CRB1: variants seen among roughly 807,000 people sequenced by gnomAD.
CRB1 encodes protein crumbs homolog 1.
In CRB1, 83 loss-of-function variants were observed where a neutral mutation model predicts 120.0. The observed-to-expected ratio is 0.69, with a 90% CI of 0.58 to 0.83. The LOEUF is 0.83. Ranked by LOEUF, CRB1 falls within the 40% of genes least tolerant of loss-of-function variation. The pLI, the probability that CRB1 is intolerant of heterozygous loss-of-function variation, is 0.00. For missense variants in CRB1, 1,699 were observed against 1,687.6 expected (o/e 1.01, Z -0.12); for synonymous variants, 625 against 612.5 (o/e 1.02, Z -0.30).
At chr1:197,284,808 A>AT (rs983684168) in intron 1 of CRB1, among the ~76,000 whole-genome samples, 6 of 147,908 alleles carry the variant, frequency 4.1e-5, no homozygotes, top group African/African-American at 1.6e-4. Flanking sequence ...TGATATTGTA[A>AT]TTTAAAAAAA....
At chr1:197,215,834 C>T in the CRB1 span, among the ~76,000 whole-genome samples, 1 of 152,152 alleles carries the variant, frequency 6.6e-6, no homozygotes, top group Non-Finnish European at 1.5e-5. Context: ...GTTATTGCAT[C>T]TCAGAACTTT....
At chr1:197,399,136 C>G (rs1662931445) in intron 5 of CRB1, among the ~76,000 whole-genome samples, 1 of 152,044 alleles carries the variant, frequency 6.6e-6, no homozygotes, top group South Asian at 2.1e-4. Flanking sequence ...GGAAATCTTC[C>G]TTGATTAGCC....
chr1:197,435,056 A>G lies in CRB1; in HGVS notation c.3193A>G (p.Thr1065Ala), dbSNP rs1553262995. 1.9e-6 allele frequency: 3 copies of G among 1,614,018 alleles called. No individual in the cohort carries two copies. Among genetic ancestry groups the G allele is most frequent in the Non-Finnish European group, 2.5e-6 (3 of 1,179,920 alleles). Residue 1065 changes from threonine to alanine, a missense_variant, in exon 9 of 12, where the codon ACA becomes GCA. Coordinates refer to ENST00000367400, the MANE Select transcript of CRB1 (RefSeq NM_201253.3). ...CAACGAAACACCTTTTGTGACCAGC[A>G]CAATTGCTACTGGAAGCCTCAACTT... ...VDNETPFVTS[T>A]IATGSLNFLK...
At chr1:197,276,841 C>A (rs1655236475) in intron 1 of CRB1, among the ~76,000 whole-genome samples, 1 of 151,790 alleles carries the variant, frequency 6.6e-6, no homozygotes, top group African/African-American at 2.4e-5. Flanking sequence ...CTATTAAGAC[C>A]ATTAGGACAC....
chr1:197,255,584 A>G, the CRB1 span, among the ~76,000 whole-genome samples: 1 of 152,098 alleles, frequency 6.6e-6, no homozygotes, highest in Non-Finnish European at 1.5e-5. Context: ...AGTTGAATGC[A>G]TCTTGATTAC....
At chr1:197,234,587 A>G in the CRB1 span, among the ~76,000 whole-genome samples, 1 of 152,256 alleles carries the variant, frequency 6.6e-6, no homozygotes, top group Non-Finnish European at 1.5e-5. Context: ...ATAGATCCCC[A>G]GAAATAATCC....
chr1:197,294,346 C>G (rs1301435377), intron 1 of CRB1, among the ~76,000 whole-genome samples: 4 of 152,132 alleles, frequency 2.6e-5, no homozygotes, highest in African/African-American at 9.7e-5. Context: ...CAGAGAAATG[C>G]AAATCAAAAC....
intron 5 of CRB1, among the ~76,000 whole-genome samples, chr1:197,409,960 A>G (rs1178994171): frequency 6.6e-6 from 1 of 151,644 alleles, no homozygotes; most frequent in Non-Finnish European, 1.5e-5. Context: ...CTTTTTTTGT[A>G]TTTTTTAGTA....
chr1:197,313,019 A>G (rs1279947112), intron 1 of CRB1, among the ~76,000 whole-genome samples: 4 of 152,190 alleles, frequency 2.6e-5, no homozygotes, highest in Admixed American at 1.3e-4. Flanking sequence ...AAGAGGTTTG[A>G]TTGACTCACA....
the CRB1 span, among the ~76,000 whole-genome samples, chr1:197,256,914 CAG>C: frequency 2.1e-5 from 3 of 143,880 alleles, no homozygotes; most frequent in Non-Finnish European, 4.5e-5. Context: ...TACAAAGAAA[CAG>C]AACCTATAGG....
At chr1:197,222,252 G>A in the CRB1 span, 1 of 525,440 alleles carries the variant, frequency 1.9e-6, no homozygotes, top group Admixed American at 2.4e-5. Flanking sequence ...CCTGTCGTTG[G>A]TGGCGGGTGT....
At chr1:197,455,632 G>C (rs1028175172) in intron 11 of CRB1, among the ~76,000 whole-genome samples, 1 of 152,192 alleles carries the variant, frequency 6.6e-6, no homozygotes, top group African/African-American at 2.4e-5. Flanking sequence ...GTAGAAGACT[G>C]TAGGAATTTA....
intron 11 of CRB1, among the ~76,000 whole-genome samples, chr1:197,454,819 C>A (rs943891622): frequency 9.9e-5 from 15 of 152,108 alleles, no homozygotes; most frequent in African/African-American, 3.4e-4. Flanking sequence ...TAAAATAATG[C>A]ATTTATTCAT....
At position 197,435,575 on chromosome 1, in the gene CRB1, T is replaced by C. The variant is rs772032607; in HGVS notation, c.3712T>C (p.Cys1238Arg). The part of the protein sequence containing the change: ...TCISHTNGYS[C>R]LCFGNFTGKF... ...CATTAGTCATACTAATGGCTATTCT[T>C]GCCTCTGTTTTGGAAATTTTACAGG... The change falls in exon 9 of 12, where the codon TGC (cysteine) becomes CGC (arginine). Residue 1238 changes from cysteine to arginine, a missense_variant. Coordinates refer to ENST00000367400, the MANE Select transcript of CRB1 (RefSeq NM_201253.3). 5.0e-6 allele frequency: 8 copies of C among 1,613,352 alleles called. No individual in the cohort carries two copies. Among genetic ancestry groups the C allele is most frequent in the Non-Finnish European group, 6.8e-6 (8 of 1,179,626 alleles).
At chr1:197,326,196 A>T (rs567032422) in intron 1 of CRB1, among the ~76,000 whole-genome samples, 18 of 152,334 alleles carry the variant, frequency 1.2e-4, no homozygotes, top group African/African-American at 4.3e-4. Context: ...TTTACTGAGC[A>T]CTTGGTATAA....
Position 197,477,922 on chromosome 1 carries a change from T to A in CRB1, c.*43T>A, listed in dbSNP as rs776186512. On this transcript the variant is annotated 3_prime_UTR_variant, in exon 12 of 12. Coordinates refer to ENST00000367400, the MANE Select transcript of CRB1 (RefSeq NM_201253.3). ...GAGATGGGGATCCACACACTGTGAATGTGATGACTGTACTTCAGGTATCTC... is the reference window on the plus strand; with the variant it reads ...GAGATGGGGATCCACACACTGTGAAAGTGATGACTGTACTTCAGGTATCTC... 4 of 1,567,250 alleles carry A rather than the reference T, an allele frequency of 2.6e-6. No homozygotes were observed. Among genetic ancestry groups the A allele is most frequent in the Non-Finnish European group, 2.6e-6 (3 of 1,137,528 alleles).
At chr1:197,210,421 G>A in the CRB1 span, among the ~76,000 whole-genome samples, 1 of 152,142 alleles carries the variant, frequency 6.6e-6, no homozygotes, top group African/African-American at 2.4e-5. Flanking sequence ...TTATCTCCAG[G>A]AATTCAAGGT....
intron 11 of CRB1, among the ~76,000 whole-genome samples, chr1:197,461,820 G>C (rs1023344156): frequency 6.6e-6 from 1 of 152,124 alleles, no homozygotes; most frequent in African/African-American, 2.4e-5. Context: ...GTCCAGGAGT[G>C]CTGCATTTGT....
At chr1:197,242,261 C>A in the CRB1 span, among the ~76,000 whole-genome samples, 1 of 152,122 alleles carries the variant, frequency 6.6e-6, no homozygotes, top group Admixed American at 6.6e-5. Context: ...TGTCAGTTTT[C>A]AAAGGGAATG....
Sources: gnomAD v4.1 joint callset for allele counts (sites outside exome capture counted in the v4.1 genomes callset) on GRCh38, gnomAD v4.1.1 for gene constraint, MANE v1.5 for transcripts, NCBI Gene and HGNC (gene_info 2026-07-23, HGNC 2026-07-21) for gene names.